Variants in PKHD1L1 observed in about 807,000 individuals in gnomAD.
PKHD1L1 encodes the protein fibrocystin-L.
A neutral mutation model predicts 462.9 loss-of-function variants in PKHD1L1; 434 were observed. That is an observed-to-expected ratio of 0.94 (90% CI 0.87 to 1.02). PKHD1L1 has a LOEUF of 1.02. Among genes scored for constraint, PKHD1L1 ranks in the 50% least tolerant of loss-of-function variants. PKHD1L1 has a pLI of 0.00. For missense variants in PKHD1L1, 5,202 were observed against 5,096.1 expected, an observed-to-expected ratio of 1.02 and a Z score of -0.63; for synonymous variants, 1,781 against 1,750.0, an observed-to-expected ratio of 1.02 and a Z score of -0.44.
intron 45 of PKHD1L1, among the ~76,000 whole-genome samples, chr8:109,455,489 A>G (rs992952127): frequency 1.3e-5 from 2 of 152,044 alleles, no homozygotes; most frequent in African/African-American, 4.8e-5. Flanking sequence ...TTTTACACTA[A>G]CCGTAGTACC....
intron 56 of PKHD1L1, among the ~76,000 whole-genome samples, chr8:109,481,820 GTAATT>G (rs1351483830): frequency 6.6e-6 from 1 of 151,688 alleles, no homozygotes; most frequent in African/African-American, 2.4e-5. Flanking sequence ...AAACCAAAAT[GTAATT>G]TATTACAAAA....
In PKHD1L1 at chr8:109,425,233, G is replaced by T; in HGVS notation, c.2845+1G>T. 1 of 1,568,700 alleles carries T rather than the reference G, an allele frequency of 6.4e-7. No individual in the cohort carries two copies. The highest frequency in any genetic ancestry group is 8.6e-7 in the Non-Finnish European group (1 of 1,163,052). ...CAAGCTTATGGACATATTCTTAAAG[G>T]TATATGAAAAAAATTTAAAATATTG... On this transcript the variant is annotated splice_donor_variant, in intron 24 of 77. Transcript: ENST00000378402. LOFTEE classifies it high-confidence loss of function.
chr8:109,419,906 A>C (rs1011251571), intron 22 of PKHD1L1, among the ~76,000 whole-genome samples: 1 of 121,354 alleles, frequency 8.2e-6, no homozygotes, highest in Non-Finnish European at 1.9e-5. Flanking sequence ...GTGGTGAGTT[A>C]ACTGATTTTT....
chr8:109,415,769 G>A (rs1814118893), intron 21 of PKHD1L1, among the ~76,000 whole-genome samples: 1 of 151,440 alleles, frequency 6.6e-6, no homozygotes, highest in Admixed American at 6.6e-5. Flanking sequence ...GATTGCTTGA[G>A]TCCGGGAGAT....
intron 29 of PKHD1L1, among the ~76,000 whole-genome samples, chr8:109,435,943 A>G (rs1386241197): frequency 6.6e-6 from 1 of 152,184 alleles, no homozygotes; most frequent in Non-Finnish European, 1.5e-5. Context: ...AGGTATTAAA[A>G]TTTGAGATTT....
intron 6 of PKHD1L1, among the ~76,000 whole-genome samples, chr8:109,385,957 A>G (rs1394931367): frequency 1.3e-5 from 2 of 152,192 alleles, no homozygotes; most frequent in Non-Finnish European, 2.9e-5. Context: ...TTATTACTTA[A>G]TCTAACTGTC....
Position 109,496,985 on chromosome 8 carries a change from T to G in PKHD1L1, c.10394T>G (p.Met3465Arg), listed in dbSNP as rs757528550. 6.2e-7 allele frequency: 1 copy of G among 1,613,440 alleles called. No homozygotes were observed. ...EAHGGLYGIY[M>R]NQDGLPGCSL... ...CATGGAGGTTTATATGGGATCTATA[T>G]GAACCAAGATGGCCTTCCTGGATGT... Residue 3465 changes from methionine to arginine, a missense_variant, in exon 64 of 78, where the codon ATG (methionine) becomes AGG (arginine). Transcript: ENST00000378402.
At chr8:109,444,019 C>T in intron 37 of PKHD1L1, 117 bp downstream of exon 37, 2 of 845,172 alleles carry the variant, frequency 2.4e-6, no homozygotes, top group Non-Finnish European at 3.6e-6. Flanking sequence ...ACATACCATA[C>T]AATTCACCCA....
At chr8:109,507,451 A>T (rs1320686467) in intron 68 of PKHD1L1, among the ~76,000 whole-genome samples, 1 of 152,168 alleles carries the variant, frequency 6.6e-6, no homozygotes, top group Non-Finnish European at 1.5e-5. Context: ...TTGAAATGTT[A>T]ATGAATTCAT....
chr8:109,489,710 T>C (rs1026988688), intron 59 of PKHD1L1, among the ~76,000 whole-genome samples: 1 of 151,854 alleles, frequency 6.6e-6, no homozygotes, highest in Non-Finnish European at 1.5e-5. Context: ...AACAGATATA[T>C]GGTATATATG....
In PKHD1L1 at chr8:109,362,977, G is replaced by A. The variant is rs56170558; in HGVS notation, c.73+324G>A. The stretch of plus-strand genomic sequence containing the variant: ...ACAAGTAGACTGAAATTTGGCGGGG[G>A]AGTGGGGACTGGGAAGAGGCAACCT... On this transcript the variant is annotated intron_variant, in intron 1 of 77. Coordinates refer to ENST00000378402, the MANE Select transcript of PKHD1L1 (RefSeq NM_177531.6). 5.6e-3 allele frequency among the ~76,000 whole-genome samples: 860 copies of A among 152,236 alleles called. 7 individuals carry two copies. Among genetic ancestry groups the A allele is most frequent in the Non-Finnish European group, 8.4e-3 (574 of 68,012 alleles).
chr8:109,481,646 C>A, intron 56 of PKHD1L1, 84 bp downstream of exon 56: 1 of 1,190,782 alleles, frequency 8.4e-7, no homozygotes, highest in Non-Finnish European at 1.1e-6. Context: ...CATATCAGTT[C>A]ATAATGATAA....
chr8:109,404,861 A>T, intron 15 of PKHD1L1, 134 bp from the exon 16 acceptor site: 5 of 1,143,758 alleles, frequency 4.4e-6, no homozygotes, highest in Non-Finnish European at 6.0e-6. Context: ...TATTTGTACG[A>T]TAAGCCAAAA....
At position 109,523,502 on chromosome 8, in the gene PKHD1L1, A is replaced by C. The variant is rs553740112; in HGVS notation, c.12484+116A>C. ...CTGGTCAATAAATTATAGACATCAG[A>C]ATGCTATATTTTGCCTTGTTTCAGA... is the stretch of plus-strand genomic sequence containing the variant. On this transcript the variant is annotated intron_variant, in intron 76 of 77. Transcript: ENST00000378402. 74 of 1,033,930 alleles carry C rather than the reference A, an allele frequency of 7.2e-5. No homozygotes were observed. The African/African-American group carries it at 1.1e-3, about 15-fold the overall frequency. The allele number at this position is 1,033,930 out of a possible 1,614,324, so 64.0% of individuals were successfully genotyped here. A position where few individuals can be genotyped will look rare whatever the true frequency, so the allele number is the denominator to read the frequency against.
At chr8:109,399,469 A>G (rs752067268) in intron 12 of PKHD1L1, among the ~76,000 whole-genome samples, 1 of 152,074 alleles carries the variant, frequency 6.6e-6, no homozygotes, top group Non-Finnish European at 1.5e-5. Context: ...ATTTAATCAC[A>G]GGGTTTATTC....
chr8:109,512,117 C>T (rs541569106), intron 71 of PKHD1L1, among the ~76,000 whole-genome samples: 5,203 of 151,492 alleles, frequency 0.034, 145 homozygotes, highest in African/African-American at 0.073. Context: ...ATGAGTAGGT[C>T]GCGAAAATTT....
chr8:109,471,148 T>G lies in PKHD1L1; in HGVS notation c.8606-3970T>G, dbSNP rs1046243159. The G allele has an allele frequency of 1.3e-5, 17 of 1,331,114 alleles. No individual in the cohort carries two copies. The African/African-American group carries it at 2.2e-4, about 17-fold the overall frequency. 82.5% of individuals were successfully genotyped at this position (1,331,114 alleles called of 1,614,324 possible). On this transcript the variant is annotated intron_variant, in intron 50 of 77. Coordinates refer to ENST00000378402, the MANE Select transcript of PKHD1L1 (RefSeq NM_177531.6). ...TCAGCAGACATTTACCTTTGTATTC[T>G]TCATGAAATGTGTTTTGTCTTTTTT...
Position 109,440,695 on chromosome 8 carries a change from C to T in PKHD1L1, c.3957-15C>T, listed in dbSNP as rs1407777499. The T allele has an allele frequency of 6.2e-7, 1 of 1,600,070 alleles. No homozygotes were observed. Among genetic ancestry groups the T allele is most frequent in the Non-Finnish European group, 8.5e-7 (1 of 1,170,874 alleles). The stretch of plus-strand genomic sequence containing the variant: ...TAGGAAGCTCATTGAAAAATCTATT[C>T]ATTTTTTTTCTCAGAGACAAATTAA... On this transcript the variant is annotated splice_polypyrimidine_tract_variant and intron_variant, in intron 32 of 77. Coordinates refer to ENST00000378402, the MANE Select transcript of PKHD1L1 (RefSeq NM_177531.6).
At chr8:109,486,866 A>T (rs779360283) in intron 59 of PKHD1L1, 45 bp downstream of exon 59, 5 of 1,540,574 alleles carry the variant, frequency 3.2e-6, no homozygotes, top group Non-Finnish European at 4.5e-6. Context: ...CTATAACATT[A>T]TCTCATCTAT....
Sources: allele counts gnomAD v4.1 joint callset (sites outside exome capture counted in the v4.1 genomes callset), GRCh38; gene constraint gnomAD v4.1.1; transcripts MANE v1.5; gene names NCBI Gene and HGNC (gene_info 2026-07-23, HGNC 2026-07-21).